VEGFC: variants seen among roughly 807,000 people sequenced by gnomAD.
VEGFC encodes FLT4 ligand DHM.
Under a neutral mutation model 46.1 loss-of-function variants are expected in VEGFC, and 12 were observed. That is an observed-to-expected ratio of 0.26 (90% CI 0.17 to 0.42). The LOEUF (loss-of-function observed/expected upper bound fraction) is 0.42, where lower values mean the gene tolerates loss of function less well. Ranked by LOEUF, VEGFC falls within the 10% of genes least tolerant of loss-of-function variation. The pLI is 1.00. For missense variants in VEGFC, 488 were observed against 529.4 expected (o/e 0.92, Z 0.77); for synonymous variants, 232 against 195.5 (o/e 1.19, Z -1.56).
In VEGFC at chr4:176,729,766, G is replaced by A. The variant is rs1182311644; in HGVS notation, c.148-20C>T. ...ATAAGCCTGTCAAAGAAAAATGCAA[G>A]ATCAATGACTTACCAGCTTAAGGGA... On this transcript the variant is annotated intron_variant, in intron 1 of 6. Coordinates refer to ENST00000618562, the MANE Select transcript of VEGFC (RefSeq NM_005429.5). 3 of 1,542,948 alleles carry A rather than the reference G, an allele frequency of 1.9e-6. No homozygotes were observed. In the South Asian group the frequency reaches 3.8e-5, roughly 19 times the overall value.
chr4:176,754,027 C>G (rs1260387290), intron 1 of VEGFC, among the ~76,000 whole-genome samples: 2 of 152,020 alleles, frequency 1.3e-5, no homozygotes, highest in Non-Finnish European at 2.9e-5. Flanking sequence ...TTACTGTAAC[C>G]ATATTCCAGA....
intron 1 of VEGFC, among the ~76,000 whole-genome samples, chr4:176,745,383 G>A (rs1324347379): frequency 2.0e-5 from 3 of 151,732 alleles, no homozygotes; most frequent in Admixed American, 6.6e-5. Flanking sequence ...TTAGATCTCG[G>A]GAACACTCAT....
At chr4:176,705,373 C>T (rs929030097) in intron 4 of VEGFC, among the ~76,000 whole-genome samples, 1 of 152,050 alleles carries the variant, frequency 6.6e-6, no homozygotes, top group Non-Finnish European at 1.5e-5. Context: ...TGTGAGAACA[C>T]CAATATGAAA....
rs7664360 is a variant in VEGFC, at chr4:176,773,522, T to A, written c.147+18643A>T. 3.0e-3 allele frequency among the ~76,000 whole-genome samples: 460 copies of A among 152,178 alleles called. 2 individuals carry two copies. Among genetic ancestry groups the A allele is most frequent in the African/African-American group, 1.0e-2 (414 of 41,514 alleles). On this transcript the variant is annotated intron_variant, in intron 1 of 6. Coordinates refer to ENST00000618562, the MANE Select transcript of VEGFC (RefSeq NM_005429.5). ...CCTATAAAAATAATAAATGTCTTCC[T>A]AGTATACAAAAAAACAGAAGCAGGG...
In VEGFC at chr4:176,692,326, G is replaced by A. The variant is rs1256760035; in HGVS notation, c.705-4399C>T. On this transcript the variant is annotated intron_variant, in intron 4 of 6. Coordinates refer to ENST00000618562, the MANE Select transcript of VEGFC (RefSeq NM_005429.5). ...GGAGAATGGCGTGAACCCGGCAGGC[G>A]GAGCTTGCAGTGAGCCGAGATCCCG... 1.5e-3 allele frequency among the ~76,000 whole-genome samples: 198 copies of A among 133,750 alleles called. 39 individuals carry two copies. Among genetic ancestry groups the A allele is most frequent in the Middle Eastern group, 0.011 (3 of 276 alleles). The allele number at this position is 133,750 out of a possible 152,430, so 87.7% of individuals were successfully genotyped here. A position where few individuals can be genotyped will look rare whatever the true frequency, so the allele number is the denominator to read the frequency against.
rs530266863 is a variant in VEGFC, at chr4:176,756,418, G to T, written c.148-26672C>A. Among the ~76,000 whole-genome samples, 46 of 152,048 alleles carry T rather than the reference G, an allele frequency of 3.0e-4. 1 individual carries two copies. In the South Asian group the frequency reaches 9.3e-3, roughly 31 times the overall value. ...TGAGGGTCATGATAGAAACTGGGTG[G>T]CTACTTTAGAACAGATAAGGAAGGG... On this transcript the variant is annotated intron_variant, in intron 1 of 6. Transcript: ENST00000618562.
chr4:176,760,195 GGTAA>G (rs1276354757), intron 1 of VEGFC, among the ~76,000 whole-genome samples: 1 of 151,982 alleles, frequency 6.6e-6, no homozygotes, highest in Admixed American at 6.6e-5. Context: ...AGCAAAGAAT[GGTAA>G]GTTTTAATGG....
intron 1 of VEGFC, among the ~76,000 whole-genome samples, chr4:176,757,885 T>C (rs1474626362): frequency 6.6e-6 from 1 of 152,096 alleles, no homozygotes; most frequent in Non-Finnish European, 1.5e-5. Flanking sequence ...AGATTTACCA[T>C]GTTTTGGGGG....
intron 4 of VEGFC, among the ~76,000 whole-genome samples, chr4:176,691,984 T>C (rs1191461034): frequency 6.6e-6 from 1 of 152,128 alleles, no homozygotes. Flanking sequence ...TTGCCTCACT[T>C]GGGAAGCACA....
At chr4:176,776,022 A>G (rs1359586064) in intron 1 of VEGFC, among the ~76,000 whole-genome samples, 1 of 152,206 alleles carries the variant, frequency 6.6e-6, no homozygotes, top group Non-Finnish European at 1.5e-5. Context: ...AAAGGAATCT[A>G]TCAGCCAAGC....
chr4:176,692,945 A>G (rs1408607470), intron 4 of VEGFC, among the ~76,000 whole-genome samples: 1 of 148,914 alleles, frequency 6.7e-6, no homozygotes, highest in Non-Finnish European at 1.5e-5. Flanking sequence ...ACTAACAAAC[A>G]GAAAGGACAT....
rs199921590 is a variant in VEGFC, at chr4:176,778,862, TA to T, written c.147+13302del. ...CCTCATAAACTCGAGATATTCCCCCTAAAAAAATGCTGATTTCAAAATTTAG... is the reference window on the plus strand; with the variant it reads ...CCTCATAAACTCGAGATATTCCCCCTAAAAAATGCTGATTTCAAAATTTAG... On this transcript the variant is annotated intron_variant, in intron 1 of 6. Coordinates refer to ENST00000618562, the MANE Select transcript of VEGFC (RefSeq NM_005429.5). Among the ~76,000 whole-genome samples, 402 of 152,142 alleles carry T rather than the reference TA, an allele frequency of 2.6e-3. 3 individuals are homozygous for T. The highest frequency in any genetic ancestry group is 8.7e-3 in the African/African-American group (359 of 41,500).
intron 4 of VEGFC, among the ~76,000 whole-genome samples, chr4:176,709,677 A>G (rs916914424): frequency 2.6e-5 from 4 of 152,176 alleles, no homozygotes; most frequent in African/African-American, 4.8e-5. Context: ...ATAATGGAAG[A>G]CAAAACAAGA....
chr4:176,713,941 G>A (rs757364523), intron 3 of VEGFC, among the ~76,000 whole-genome samples: 4 of 152,146 alleles, frequency 2.6e-5, no homozygotes, highest in Admixed American at 6.5e-5. Flanking sequence ...ACCAGCACCC[G>A]ATGTGGTTCC....
intron 1 of VEGFC, among the ~76,000 whole-genome samples, chr4:176,759,628 T>A (rs1735493455): frequency 6.6e-6 from 1 of 152,142 alleles, no homozygotes; most frequent in African/African-American, 2.4e-5. Flanking sequence ...GTATGTGAGA[T>A]GATAATGTGC....
At chr4:176,782,482 T>A (rs4690462) in intron 1 of VEGFC, among the ~76,000 whole-genome samples, 128,282 of 148,292 alleles carry the variant, frequency 0.87, 55,539 homozygotes, top group East Asian at 0.99. Flanking sequence ...AAAAAAAAAA[T>A]TTTTAAATAA....
Position 176,740,429 on chromosome 4 carries a change from A to ATATATAACTATATATTTATATATAGT in VEGFC, c.148-10684_148-10683insACTATATATAAATATATAGTTATATA, listed in dbSNP as rs1735149935. Among the ~76,000 whole-genome samples, 6 of 25,120 alleles carry ATATATAACTATATATTTATATATAGT rather than the reference A, an allele frequency of 2.4e-4. 3 individuals are homozygous for ATATATAACTATATATTTATATATAGT. The highest frequency in any genetic ancestry group is 6.2e-4 in the Non-Finnish European group (6 of 9,744). 16.5% of individuals were successfully genotyped at this position (25,120 alleles called of 152,430 possible). ...AGTTATATATATTCTATATATAGTT[A>ATATATAACTATATATTTATATATAGT]TATATATATTCTATATAGAGTATAT... On this transcript the variant is annotated intron_variant, in intron 1 of 6. Coordinates refer to ENST00000618562, the MANE Select transcript of VEGFC (RefSeq NM_005429.5).
chr4:176,791,611 T>C (rs1453399235), intron 1 of VEGFC, among the ~76,000 whole-genome samples: 1 of 152,110 alleles, frequency 6.6e-6, no homozygotes, highest in East Asian at 1.9e-4. Context: ...TCCCGTTACA[T>C]CTCAAGTCTG....
chr4:176,692,025 A>G (rs1734191246), intron 4 of VEGFC, among the ~76,000 whole-genome samples: 1 of 152,010 alleles, frequency 6.6e-6, no homozygotes, highest in African/African-American at 2.4e-5. Flanking sequence ...TCCTAGTCAA[A>G]GAAAGGGGTG....
Sources: gnomAD v4.1 joint callset for allele counts (sites outside exome capture counted in the v4.1 genomes callset) on GRCh38, gnomAD v4.1.1 for gene constraint, MANE v1.5 for transcripts, NCBI Gene and HGNC (gene_info 2026-07-23, HGNC 2026-07-21) for gene names.